Variants in CSMD3 observed in about 807,000 individuals in gnomAD.
The protein encoded by CSMD3 is CUB and sushi domain-containing protein 3.
A neutral mutation model predicts 435.2 loss-of-function variants in CSMD3; 177 were observed. That is an observed-to-expected ratio of 0.41 (90% CI 0.36 to 0.46). The LOEUF (loss-of-function observed/expected upper bound fraction) is 0.46. CSMD3 is among the 20% of genes least tolerant of loss of function. The probability of loss-of-function intolerance (pLI) is 0.34; values close to 1 mark genes in which losing one functional copy is unlikely to be tolerated. For synonymous variants in CSMD3, 1,656 were observed against 1,520.5 expected, an observed-to-expected ratio of 1.09 and a Z score of -2.07; for missense variants, 4,265 against 4,504.6, an observed-to-expected ratio of 0.95 and a Z score of 1.52.
chr8:112,295,921 T>C lies in CSMD3; in HGVS notation c.8526A>G (p.Gln2842=), dbSNP rs144061260. 100 of 1,613,656 alleles carry C rather than the reference T, an allele frequency of 6.2e-5. No individual in the cohort carries two copies. The highest frequency in any genetic ancestry group is 6.5e-5 in the Non-Finnish European group (77 of 1,179,750). ...NYGYRDTVVY[Q]CNPGFRLIGS... is the part of the protein sequence containing the mutation. The stretch of plus-strand genomic sequence containing the variant: ...CAATCAATCGAAAACCAGGATTACA[T>C]TGATATACAACTGTGTCTCTATATC... The change falls in exon 54 of 71, where the codon CAA becomes CAG. Residue 2842 remains glutamine (Q), a synonymous_variant. Coordinates refer to ENST00000297405, the MANE Select transcript of CSMD3 (RefSeq NM_198123.2).
chr8:113,034,661 A>G lies in CSMD3; in HGVS notation c.918-15482T>C, dbSNP rs144946809. 3.3e-3 allele frequency among the ~76,000 whole-genome samples: 498 copies of G among 152,258 alleles called. 1 individual carries two copies. The highest frequency in any genetic ancestry group is 5.0e-3 in the Non-Finnish European group (341 of 67,982). On this transcript the variant is annotated intron_variant, in intron 5 of 70. Transcript: ENST00000297405. ...TAATAAATACCCTTTGACTTACACTATAAATGGGCTAATGTCAACATATGT... is the reference window on the plus strand; with the variant it reads ...TAATAAATACCCTTTGACTTACACTGTAAATGGGCTAATGTCAACATATGT...
intron 1 of CSMD3, among the ~76,000 whole-genome samples, chr8:113,380,148 C>T (rs1381132159): frequency 6.6e-6 from 1 of 152,048 alleles, no homozygotes; most frequent in Non-Finnish European, 1.5e-5. Context: ...CGTGGGGTTC[C>T]CTCATTAATT....
chr8:113,119,612 T>C (rs776002849), intron 4 of CSMD3, among the ~76,000 whole-genome samples: 3 of 152,188 alleles, frequency 2.0e-5, no homozygotes, highest in Non-Finnish European at 4.4e-5. Flanking sequence ...TTACTTTTTC[T>C]AGAAAGTCCT....
intron 10 of CSMD3, among the ~76,000 whole-genome samples, chr8:112,914,327 T>C (rs1427103719): frequency 6.6e-6 from 1 of 151,874 alleles, no homozygotes; most frequent in Non-Finnish European, 1.5e-5. Context: ...AATACATTTC[T>C]TAACGGCATA....
chr8:112,415,769 T>C (rs1251883685), intron 32 of CSMD3, among the ~76,000 whole-genome samples: 1 of 152,198 alleles, frequency 6.6e-6, no homozygotes, highest in Non-Finnish European at 1.5e-5. Flanking sequence ...ATGTGAGACA[T>C]GAAGTCAAAG....
intron 3 of CSMD3, among the ~76,000 whole-genome samples, chr8:113,222,252 A>C (rs1588305966): frequency 6.6e-6 from 1 of 151,156 alleles, no homozygotes; most frequent in African/African-American, 2.4e-5. Flanking sequence ...TTAACCAAAA[A>C]TTTTCATTGG....
At chr8:113,300,843 A>T (rs1302397605) in intron 2 of CSMD3, among the ~76,000 whole-genome samples, 1 of 152,100 alleles carries the variant, frequency 6.6e-6, no homozygotes, top group East Asian at 1.9e-4. Flanking sequence ...TCAAAAATTT[A>T]AAAAGGGCAC....
At chr8:113,252,461 T>G (rs975850921) in intron 3 of CSMD3, among the ~76,000 whole-genome samples, 9 of 152,076 alleles carry the variant, frequency 5.9e-5, no homozygotes, top group African/African-American at 1.9e-4. Flanking sequence ...TTTATGTATT[T>G]TTTTTTACCG....
At chr8:112,440,444 G>A (rs558563980) in intron 32 of CSMD3, among the ~76,000 whole-genome samples, 2 of 152,150 alleles carry the variant, frequency 1.3e-5, no homozygotes, top group South Asian at 4.1e-4. Flanking sequence ...CAGGCCCACC[G>A]CTCAAGCTGT....
chr8:113,125,267 GCATGATC>G (rs1218104387), intron 4 of CSMD3, among the ~76,000 whole-genome samples: 34 of 152,078 alleles, frequency 2.2e-4, no homozygotes, highest in African/African-American at 8.2e-4. Context: ...CCACTGGTTT[GCATGATC>G]CTCCTGTTTA....
At position 112,281,210 on chromosome 8, in the gene CSMD3, T is replaced by G. The variant is rs1161338655; in HGVS notation, c.9472A>C (p.Asn3158His). 6.2e-7 allele frequency: 1 copy of G among 1,613,346 alleles called. No homozygotes were observed. The highest frequency in any genetic ancestry group is 8.5e-7 in the Non-Finnish European group (1 of 1,179,414). Residue 3158 changes from asparagine to histidine, a missense_variant, in exon 59 of 71, where the codon AAT (asparagine) becomes CAT (histidine). Physicochemically the swap from Asn to His is moderately conservative, Grantham distance 68. Coordinates refer to ENST00000297405, the MANE Select transcript of CSMD3 (RefSeq NM_198123.2). ...GGTAAAGTTCCAGACCATGTTCCAT[T>G]GGCTGTGCACTGTCTAACTGAAGGT... ...SGPSVRQCTA[N>H]GTWSGTLPNC...
At chr8:112,654,495 TTGTC>T (rs1365736708) in intron 18 of CSMD3, among the ~76,000 whole-genome samples, 3 of 152,248 alleles carry the variant, frequency 2.0e-5, no homozygotes, top group African/African-American at 7.2e-5. Flanking sequence ...ACCTCAATGT[TTGTC>T]AGCTCTCAGC....
At chr8:112,547,252 T>G (rs1251780170) in intron 27 of CSMD3, among the ~76,000 whole-genome samples, 1 of 152,132 alleles carries the variant, frequency 6.6e-6, no homozygotes, top group Non-Finnish European at 1.5e-5. Context: ...TATCACCCTG[T>G]ACAAAATATG....
intron 3 of CSMD3, among the ~76,000 whole-genome samples, chr8:113,274,435 C>T (rs891288009): frequency 2.6e-5 from 4 of 152,076 alleles, no homozygotes; most frequent in African/African-American, 9.7e-5. Context: ...CAATTTCTTA[C>T]TTGTCCACGA....
intron 18 of CSMD3, among the ~76,000 whole-genome samples, chr8:112,650,675 T>C (rs2075102403): frequency 6.6e-6 from 1 of 152,208 alleles, no homozygotes; most frequent in Admixed American, 6.5e-5. Context: ...GAACTTATTA[T>C]ATTCCAAGCA....
chr8:112,983,134 G>A (rs552201145), intron 6 of CSMD3, among the ~76,000 whole-genome samples: 1 of 151,934 alleles, frequency 6.6e-6, no homozygotes, highest in South Asian at 2.1e-4. Context: ...GAAAGAGAAA[G>A]GAGAAAAGTA....
intron 50 of CSMD3, among the ~76,000 whole-genome samples, chr8:112,308,902 A>G (rs1182001224): frequency 6.6e-6 from 1 of 152,086 alleles, no homozygotes. Context: ...TTGAAATAAA[A>G]GGTGCATTAT....
intron 22 of CSMD3, among the ~76,000 whole-genome samples, chr8:112,634,980 A>C (rs2074616694): frequency 6.6e-6 from 1 of 152,026 alleles, no homozygotes. Flanking sequence ...GGCTTCTTCT[A>C]ATGAAAAATG....
At chr8:113,163,214 A>G (rs1362888370) in intron 4 of CSMD3, among the ~76,000 whole-genome samples, 2 of 152,200 alleles carry the variant, frequency 1.3e-5, no homozygotes, top group East Asian at 3.8e-4. Context: ...GAGATAAAAC[A>G]ATAGAATGCC....
Sources: allele counts gnomAD v4.1 joint callset (sites outside exome capture counted in the v4.1 genomes callset), GRCh38; gene constraint gnomAD v4.1.1; transcripts MANE v1.5; gene names NCBI Gene and HGNC (gene_info 2026-07-23, HGNC 2026-07-21).